The following BANP variants were observed in gnomAD, a reference collection of about 807,000 sequenced individuals.
BANP encodes BTG3 associated nuclear protein.
Under a neutral mutation model 68.1 loss-of-function variants are expected in BANP, and 11 were observed. The observed-to-expected ratio is 0.16, with a 90% CI of 0.10 to 0.27. BANP has a LOEUF of 0.27. BANP is among the 10% of genes least tolerant of loss of function. The pLI is 1.00. For missense variants in BANP, 504 were observed against 722.7 expected, an observed-to-expected ratio of 0.70 and a Z score of 3.47; for synonymous variants, 329 against 303.2, an observed-to-expected ratio of 1.09 and a Z score of -0.88.
chr16:88,072,015 G>C, intron 12 of BANP, 54 bp from the exon 13 acceptor site: 1 of 1,539,226 alleles, frequency 6.5e-7, no homozygotes, highest in Non-Finnish European at 8.7e-7. Context: ...TGTGGGTTGT[G>C]GGTTGTGGGT....
chr16:87,966,151 A>G (rs980182359), intron 1 of BANP, among the ~76,000 whole-genome samples: 2 of 152,252 alleles, frequency 1.3e-5, no homozygotes, highest in South Asian at 4.1e-4. Context: ...TAATTAAATC[A>G]GTCTCATCCA....
intron 4 of BANP, among the ~76,000 whole-genome samples, chr16:87,999,102 C>G (rs1169011623): frequency 7.1e-6 from 1 of 141,404 alleles, no homozygotes; most frequent in Non-Finnish European, 1.5e-5. Context: ...ACTTGCCTGT[C>G]CTTCCAGACA....
intron 1 of BANP, 52 bp downstream of exon 1, chr16:87,951,567 G>GGCGAGA (rs1340547315): frequency 6.6e-6 from 1 of 152,368 alleles, no homozygotes; most frequent in African/African-American, 2.4e-5. Flanking sequence ...CTTCCCGCGG[G>GGCGAGA]GCGAGAGCGA....
chr16:88,051,215 A>G (rs1364300207), intron 11 of BANP, among the ~76,000 whole-genome samples: 2 of 151,988 alleles, frequency 1.3e-5, no homozygotes, highest in Non-Finnish European at 2.9e-5. Flanking sequence ...GAGGCCGCAG[A>G]CCCCCTCGAA....
intron 3 of BANP, among the ~76,000 whole-genome samples, chr16:87,983,048 G>A (rs1312344958): frequency 1.3e-5 from 2 of 152,046 alleles, no homozygotes; most frequent in African/African-American, 4.8e-5. Flanking sequence ...CTGCCTCAGT[G>A]CCACCCCTGC....
chr16:87,956,279 G>A (rs1597689184), intron 1 of BANP, among the ~76,000 whole-genome samples: 1 of 152,208 alleles, frequency 6.6e-6, no homozygotes, highest in African/African-American at 2.4e-5. Context: ...TCATTTTGAA[G>A]GAAAGACTTC....
intron 12 of BANP, among the ~76,000 whole-genome samples, chr16:88,065,651 G>A (rs13339091): frequency 0.23 from 34,948 of 152,098 alleles, 4,794 homozygotes; most frequent in South Asian, 0.38. Flanking sequence ...GCCATCTTTT[G>A]TTCAGAAAAC....
intron 1 of BANP, among the ~76,000 whole-genome samples, chr16:87,972,555 G>A (rs1332459671): frequency 6.6e-6 from 1 of 152,110 alleles, no homozygotes. Flanking sequence ...TTTGGCCTCA[G>A]TAGTTTCTGT....
At chr16:87,990,675 T>C (rs1488536915) in intron 4 of BANP, among the ~76,000 whole-genome samples, 1 of 152,222 alleles carries the variant, frequency 6.6e-6, no homozygotes, top group African/African-American at 2.4e-5. Context: ...TAATATTGAA[T>C]TTTGGTTGCT....
rs1185842463 is a variant in BANP, at chr16:88,018,716, C to G, written c.895+49C>G. The G allele has an allele frequency of 2.6e-6, 4 of 1,524,004 alleles. No homozygotes were observed. The highest frequency in any genetic ancestry group is 3.5e-6 in the Non-Finnish European group (4 of 1,129,938). 94.4% of individuals were successfully genotyped at this position (1,524,004 alleles called of 1,614,324 possible). A position where few individuals can be genotyped will look rare whatever the true frequency, so the allele number is the denominator to read the frequency against. ...GACTGGGGTGTGCGGGGAGCTGGGT[C>G]AGGACCCACATTTCAATGCTGAGGA... On this transcript the variant is annotated intron_variant, in intron 7 of 13. Transcript: ENST00000682872. This position sits in a 1 kb window ranked among gnomAD's most constrained non-coding sequence, Gnocchi z 7.7.
At chr16:87,983,414 G>T (rs570812389) in intron 3 of BANP, among the ~76,000 whole-genome samples, 1 of 152,338 alleles carries the variant, frequency 6.6e-6, no homozygotes, top group Admixed American at 6.5e-5. Flanking sequence ...TCCCTTTCTG[G>T]TTTGTGTGTT....
chr16:88,045,147 T>C (rs1567857267), intron 11 of BANP, among the ~76,000 whole-genome samples: 1 of 152,250 alleles, frequency 6.6e-6, no homozygotes, highest in Non-Finnish European at 1.5e-5. Context: ...AAAAAATGTT[T>C]AGCATTCTTC....
At chr16:88,051,004 C>G (rs900353145) in intron 11 of BANP, among the ~76,000 whole-genome samples, 1 of 152,208 alleles carries the variant, frequency 6.6e-6, no homozygotes, top group East Asian at 1.9e-4. Flanking sequence ...TTCTCATCTG[C>G]TTGCTGGTAG....
chr16:88,057,461 C>G lies in BANP; in HGVS notation c.1312-7806C>G, dbSNP rs984787471. 6.6e-6 allele frequency among the ~76,000 whole-genome samples: 1 copy of G among 152,008 alleles called. No homozygotes were observed. Among genetic ancestry groups the G allele is most frequent in the Non-Finnish European group, 1.5e-5 (1 of 67,990 alleles). ...CTTCTCCAGGGGGATGCCCTGGAGACTCTTGCGGTCCCCTCCACGTGTTCA... is the reference window on the plus strand; with the variant it reads ...CTTCTCCAGGGGGATGCCCTGGAGAGTCTTGCGGTCCCCTCCACGTGTTCA... On this transcript the variant is annotated intron_variant, in intron 11 of 13. Coordinates refer to ENST00000682872, the MANE Select transcript of BANP (RefSeq NM_001386991.1). The surrounding 1 kb of genome is among the most constrained non-coding windows in gnomAD (Gnocchi z 4.6).
chr16:87,968,177 A>G (rs1256351133), intron 1 of BANP, among the ~76,000 whole-genome samples: 2 of 151,592 alleles, frequency 1.3e-5, no homozygotes, highest in African/African-American at 2.4e-5. Context: ...ACTGAAGACT[A>G]CTGGTTTCAT....
At chr16:88,076,563 A>G (rs370713439) in intron 13 of BANP, 27 bp from the exon 14 acceptor site, 1 of 1,607,580 alleles carries the variant, frequency 6.2e-7, no homozygotes, top group African/African-American at 1.3e-5. Flanking sequence ...ATTTTTCTAG[A>G]AAGTCCCTCC....
chr16:88,027,831 C>T (rs1239871099), intron 8 of BANP, among the ~76,000 whole-genome samples, 181 bp downstream of exon 8: 1 of 152,258 alleles, frequency 6.6e-6, no homozygotes, highest in Non-Finnish European at 1.5e-5. Flanking sequence ...GCCCCGTGCG[C>T]CCTTCACACG....
chr16:87,985,888 G>A (rs1244302475), intron 4 of BANP, among the ~76,000 whole-genome samples: 1 of 152,230 alleles, frequency 6.6e-6, no homozygotes, highest in East Asian at 1.9e-4. Flanking sequence ...TGAATTCATG[G>A]AAAATTCAAG....
chr16:88,018,767 G>T lies in BANP; in HGVS notation c.895+100G>T. The stretch of plus-strand genomic sequence containing the variant: ...CGCTGGCATCAGTAGCACCGGCACG[G>T]GGCTGCGTTTCTCCAGGCGGTTTGA... On this transcript the variant is annotated intron_variant, in intron 7 of 13. Coordinates refer to ENST00000682872, the MANE Select transcript of BANP (RefSeq NM_001386991.1). The surrounding 1 kb of genome is among the most constrained non-coding windows in gnomAD (Gnocchi z 7.7). 7.1e-7 allele frequency: 1 copy of T among 1,413,440 alleles called. No homozygotes were observed. Among genetic ancestry groups the T allele is most frequent in the Non-Finnish European group, 9.5e-7 (1 of 1,057,880 alleles). The allele number at this position is 1,413,440 out of a possible 1,614,324, so 87.6% of individuals were successfully genotyped here. A position where few individuals can be genotyped will look rare whatever the true frequency, so the allele number is the denominator to read the frequency against.
Sources: gnomAD v4.1 joint callset for allele counts (sites outside exome capture counted in the v4.1 genomes callset) on GRCh38, gnomAD v4.1.1 for gene constraint, Gnocchi (gnomAD v3.1) non-coding constraint, MANE v1.5 for transcripts, NCBI Gene and HGNC (gene_info 2026-07-23, HGNC 2026-07-21) for gene names.